The following DLG1 variants were observed in gnomAD, a reference collection of about 807,000 sequenced individuals.
The protein encoded by DLG1 is disks large homolog 1.
Under a neutral mutation model 123.4 loss-of-function variants are expected in DLG1, and 42 were observed. The ratio of observed to expected loss-of-function variants is 0.34; its 90% CI spans 0.27 to 0.44. DLG1 has a LOEUF of 0.44. Ranked by LOEUF, DLG1 falls within the 20% of genes least tolerant of loss-of-function variation. The pLI, the probability that DLG1 is intolerant of heterozygous loss-of-function variation, is 1.00. For missense variants in DLG1, 942 were observed against 1,082.6 expected (o/e 0.87, Z 1.82); for synonymous variants, 317 against 356.2 (o/e 0.89, Z 1.24).
intron 5 of DLG1, among the ~76,000 whole-genome samples, chr3:197,184,371 TCTGA>T (rs1201655140): frequency 2.6e-5 from 4 of 152,364 alleles, no homozygotes; most frequent in African/African-American, 9.6e-5. Context: ...TGCAAATAGT[TCTGA>T]CTGTTAAAAT....
chr3:197,101,397 T>G (rs1007403171), intron 14 of DLG1, among the ~76,000 whole-genome samples: 1 of 152,098 alleles, frequency 6.6e-6, no homozygotes, highest in African/African-American at 2.4e-5. Flanking sequence ...ATTCTTTTTT[T>G]TTTTTTGAGA....
At chr3:197,138,073 A>C in intron 9 of DLG1, 149 bp downstream of exon 9, 1 of 430,238 alleles carries the variant, frequency 2.3e-6, no homozygotes, top group Non-Finnish European at 4.0e-6. Flanking sequence ...GACAAAAATC[A>C]GTAGAAATAA....
At chr3:197,256,621 A>G (rs1218388114) in intron 4 of DLG1, among the ~76,000 whole-genome samples, 1 of 152,216 alleles carries the variant, frequency 6.6e-6, no homozygotes, top group Non-Finnish European at 1.5e-5. Context: ...TTTTACATGT[A>G]AAACATAAGT....
At position 197,241,189 on chromosome 3, in the gene DLG1, G is replaced by C. The variant is rs564342138; in HGVS notation, c.318+41490C>G. ...ATAACATATAAAGAAGCTCTACCTT[G>C]TATGACAACAGACTTCTCAACGGAA... is the stretch of plus-strand genomic sequence containing the variant. On this transcript the variant is annotated intron_variant, in intron 4 of 24. Transcript: ENST00000667157. Among the ~76,000 whole-genome samples, 60 of 152,192 alleles carry C rather than the reference G, an allele frequency of 3.9e-4. No homozygotes were observed. The South Asian group carries it at 0.011, about 28-fold the overall frequency.
At chr3:197,171,226 T>C (rs1473695101) in intron 5 of DLG1, among the ~76,000 whole-genome samples, 1 of 152,164 alleles carries the variant, frequency 6.6e-6, no homozygotes, top group Non-Finnish European at 1.5e-5. Flanking sequence ...GCACAGTAGA[T>C]TTATAAAAAC....
chr3:197,224,001 T>C (rs187812898), intron 4 of DLG1, among the ~76,000 whole-genome samples: 1 of 152,322 alleles, frequency 6.6e-6, no homozygotes, highest in East Asian at 1.9e-4. Flanking sequence ...AAAAACTCTA[T>C]CCACAAATGG....
rs1787298791 is a variant in DLG1, at chr3:197,140,257, G to A, written c.596C>T (p.Ser199Leu). 2 of 1,612,344 alleles carry A rather than the reference G, an allele frequency of 1.2e-6. No homozygotes were observed. Among genetic ancestry groups the A allele is most frequent in the Non-Finnish European group, 1.7e-6 (2 of 1,179,130 alleles). The change falls in exon 8 of 25, where the codon TCA becomes TTA. Residue 199 changes from serine (S) to leucine (L), a missense_variant. Ser to Leu is a moderately radical substitution (Grantham distance 145, BLOSUM62 -2). Transcript: ENST00000667157. Reference protein sequence around the residue: ...YEEITLERGNSGLGFSIAGGT... With the variant: ...YEEITLERGNLGLGFSIAGGT... ...TCCTGCAATGCTGAAACCAAGCCCTGAATTTCCCTGAGGATAGAAGAAAAA... is the reference window on the plus strand; with the variant it reads ...TCCTGCAATGCTGAAACCAAGCCCTAAATTTCCCTGAGGATAGAAGAAAAA...
intron 4 of DLG1, among the ~76,000 whole-genome samples, chr3:197,219,260 G>C (rs1318903694): frequency 1.3e-5 from 2 of 152,178 alleles, no homozygotes; most frequent in Non-Finnish European, 2.9e-5. Context: ...AATAGGCATA[G>C]GGTGGCCAAA....
intron 2 of DLG1, chr3:197,296,925 C>G: frequency 2.1e-6 from 1 of 482,652 alleles, no homozygotes; most frequent in Non-Finnish European, 3.7e-6. Context: ...TACTAAAACA[C>G]CAATTCAGGG....
intron 15 of DLG1, among the ~76,000 whole-genome samples, chr3:197,090,078 T>C (rs1693343196): frequency 6.6e-6 from 1 of 152,190 alleles, no homozygotes; most frequent in African/African-American, 2.4e-5. Context: ...CATGTTTATA[T>C]ATGTAACATA....
chr3:197,264,527 G>A (rs1418863825), intron 4 of DLG1, among the ~76,000 whole-genome samples: 4 of 152,036 alleles, frequency 2.6e-5, no homozygotes, highest in East Asian at 1.9e-4. Flanking sequence ...AGGTTCAAGC[G>A]ATGATTCTCC....
intron 24 of DLG1, among the ~76,000 whole-genome samples, chr3:197,045,214 TGA>T (rs10575327): frequency 0.75 from 114,136 of 151,658 alleles, 43,108 homozygotes; most frequent in East Asian, 0.82. Flanking sequence ...GTAGGTGAAT[TGA>T]GAGATACCTA....
Position 197,042,718 on chromosome 3 carries a change from TTTC to T in DLG1, c.*1902_*1904del, listed in dbSNP as rs923541420. On this transcript the variant is annotated 3_prime_UTR_variant, in exon 25 of 25. Transcript: ENST00000667157. ...GAAGCTCTTGAGATTTTACAACAGTTTTCTTCATACTAGTGTGTTTCTATGTGG... is the reference window on the plus strand; with the variant it reads ...GAAGCTCTTGAGATTTTACAACAGTTTTCATACTAGTGTGTTTCTATGTGG... The T allele has an allele frequency of 6.6e-6, 1 of 152,220 alleles. No individual in the cohort carries two copies. The highest frequency in any genetic ancestry group is 2.4e-5 in the African/African-American group (1 of 41,446). The allele number at this position is 152,220 out of a possible 1,614,324, so 9.4% of individuals were successfully genotyped here. A position where few individuals can be genotyped will look rare whatever the true frequency, so the allele number is the denominator to read the frequency against.
At chr3:197,072,159 G>A (rs941443252) in intron 18 of DLG1, among the ~76,000 whole-genome samples, 1 of 151,862 alleles carries the variant, frequency 6.6e-6, no homozygotes, top group Non-Finnish European at 1.5e-5. Context: ...TACTTCATTA[G>A]GCACTTCCCA....
intron 14 of DLG1, among the ~76,000 whole-genome samples, chr3:197,099,202 C>T (rs1762190907): frequency 6.6e-6 from 1 of 152,142 alleles, no homozygotes; most frequent in South Asian, 2.1e-4. Context: ...AGTAGCTGAG[C>T]CTACAGGCAT....
intron 14 of DLG1, among the ~76,000 whole-genome samples, chr3:197,100,304 G>A (rs1332392008): frequency 6.6e-6 from 1 of 152,146 alleles, no homozygotes; most frequent in Non-Finnish European, 1.5e-5. Context: ...ATCTACCTTT[G>A]TAACTCAAGA....
intron 5 of DLG1, among the ~76,000 whole-genome samples, chr3:197,168,443 T>C (rs139691952): frequency 3.3e-5 from 5 of 152,284 alleles, no homozygotes; most frequent in African/African-American, 1.2e-4. Flanking sequence ...AATAATCAAA[T>C]GAAGGCTGAC....
intron 4 of DLG1, among the ~76,000 whole-genome samples, chr3:197,262,436 T>TA (rs1333138259): frequency 6.6e-6 from 1 of 152,182 alleles, no homozygotes; most frequent in African/African-American, 2.4e-5. Context: ...GTATCCTTTA[T>TA]AACATCTTTT....
In DLG1 at chr3:197,262,650, C is replaced by G. The variant is rs1241241032; in HGVS notation, c.318+20029G>C. 2.0e-5 allele frequency among the ~76,000 whole-genome samples: 3 copies of G among 152,288 alleles called. No individual in the cohort carries two copies. In the East Asian group the frequency reaches 5.8e-4, roughly 30 times the overall value. Reference sequence around the variant, plus strand: ...GGGATCTGACACTATACTTCAGAGACTACTACTATCTCCAAGTAGACACTG... The same window carrying G: ...GGGATCTGACACTATACTTCAGAGAGTACTACTATCTCCAAGTAGACACTG... On this transcript the variant is annotated intron_variant, in intron 4 of 24. Coordinates refer to ENST00000667157, the MANE Select transcript of DLG1 (RefSeq NM_001366207.1).
Sources: gnomAD v4.1 joint callset for allele counts (sites outside exome capture counted in the v4.1 genomes callset) on GRCh38, gnomAD v4.1.1 for gene constraint, MANE v1.5 for transcripts, NCBI Gene and HGNC (gene_info 2026-07-23, HGNC 2026-07-21) for gene names.